The following HS6ST3 variants were observed in gnomAD, a reference collection of about 807,000 sequenced individuals.
The protein encoded by HS6ST3 is heparan-sulfate 6-O-sulfotransferase 3.
Under a neutral mutation model 36.7 loss-of-function variants are expected in HS6ST3, and 12 were observed. The ratio of observed to expected loss-of-function variants is 0.33; its 90% CI spans 0.21 to 0.53. The LOEUF is 0.53. Among genes scored for constraint, HS6ST3 ranks in the 20% least tolerant of loss-of-function variants. The probability of loss-of-function intolerance (pLI) is 0.95; values close to 1 mark genes in which losing one functional copy is unlikely to be tolerated. For missense variants in HS6ST3, 584 were observed against 640.9 expected, an observed-to-expected ratio of 0.91 and a Z score of 0.96; for synonymous variants, 240 against 257.5, an observed-to-expected ratio of 0.93 and a Z score of 0.65.
chr13:96,179,043 C>A (rs2054226272), intron 1 of HS6ST3, among the ~76,000 whole-genome samples: 1 of 152,122 alleles, frequency 6.6e-6, no homozygotes, highest in African/African-American at 2.4e-5. Flanking sequence ...AATCGGGAAC[C>A]AGGTTGGAAC....
chr13:96,520,001 C>A (rs550995719), intron 1 of HS6ST3, among the ~76,000 whole-genome samples: 2 of 152,206 alleles, frequency 1.3e-5, no homozygotes, highest in South Asian at 4.1e-4. Flanking sequence ...TTTAGTAATT[C>A]TATTGGTTAC....
At chr13:96,653,496 G>T (rs1305645305) in intron 1 of HS6ST3, among the ~76,000 whole-genome samples, 1 of 152,096 alleles carries the variant, frequency 6.6e-6, no homozygotes, top group Non-Finnish European at 1.5e-5. Context: ...TGCTGAGAAT[G>T]ATGGTTTCCA....
intron 1 of HS6ST3, among the ~76,000 whole-genome samples, chr13:96,596,256 G>T (rs1408983401): frequency 6.6e-6 from 1 of 152,098 alleles, no homozygotes; most frequent in Non-Finnish European, 1.5e-5. Context: ...CTCCATCCAA[G>T]TTGCTGTGAA....
At chr13:96,414,399 A>C (rs2055522802) in intron 1 of HS6ST3, among the ~76,000 whole-genome samples, 1 of 152,224 alleles carries the variant, frequency 6.6e-6, no homozygotes, top group African/African-American at 2.4e-5. Flanking sequence ...TATGAGGTCC[A>C]AAGAGGTACA....
rs1555323691 is a variant in HS6ST3 at position 96,769,773 on chromosome 13, T to TGTGTGC, written c.708-62716_708-62715insTGTGCG. Among the ~76,000 whole-genome samples, 259 of 142,276 alleles carry TGTGTGC rather than the reference T, an allele frequency of 1.8e-3. 3 individuals are homozygous for TGTGTGC. Among genetic ancestry groups the TGTGTGC allele is most frequent in the African/African-American group, 5.5e-3 (215 of 38,778 alleles). 93.3% of individuals were successfully genotyped at this position (142,276 alleles called of 152,430 possible). A position where few individuals can be genotyped will look rare whatever the true frequency, so the allele number is the denominator to read the frequency against. On this transcript the variant is annotated intron_variant, in intron 1 of 1. Transcript: ENST00000376705. ...GTGTGTGTGTGTGTGTGTGTGTGTG[T>TGTGTGC]GCGCACATATGTATTCTAGTTTTGC...
intron 1 of HS6ST3, among the ~76,000 whole-genome samples, chr13:96,095,435 G>C (rs1236742225): frequency 6.6e-6 from 1 of 152,162 alleles, no homozygotes; most frequent in African/African-American, 2.4e-5. Flanking sequence ...AGAATAGTTT[G>C]AACCCTGTGG....
intron 1 of HS6ST3, among the ~76,000 whole-genome samples, chr13:96,749,523 C>G (rs1876647283): frequency 6.6e-6 from 1 of 152,018 alleles, no homozygotes; most frequent in African/African-American, 2.4e-5. Flanking sequence ...GAGTGTTCAC[C>G]TAGCCCAACT....
At chr13:96,745,376 G>C (rs1462400811) in intron 1 of HS6ST3, among the ~76,000 whole-genome samples, 1 of 152,056 alleles carries the variant, frequency 6.6e-6, no homozygotes, top group African/African-American at 2.4e-5. Flanking sequence ...AGTGACAAAA[G>C]GTGTTAGGAT....
chr13:96,375,051 C>T (rs907265424), intron 1 of HS6ST3, among the ~76,000 whole-genome samples: 15 of 152,044 alleles, frequency 9.9e-5, no homozygotes, highest in African/African-American at 3.1e-4. Flanking sequence ...GTGCTGTAGC[C>T]ATCTTGCTTC....
chr13:96,675,175 A>G (rs1428776291), intron 1 of HS6ST3, among the ~76,000 whole-genome samples: 1 of 151,496 alleles, frequency 6.6e-6, no homozygotes, highest in Non-Finnish European at 1.5e-5. Context: ...AAATACACCC[A>G]CTCTCCCAGT....
intron 1 of HS6ST3, among the ~76,000 whole-genome samples, chr13:96,371,208 A>C (rs2055288388): frequency 6.6e-6 from 1 of 152,002 alleles, no homozygotes; most frequent in Non-Finnish European, 1.5e-5. Flanking sequence ...GACATTATCA[A>C]CCTTTAACAT....
intron 1 of HS6ST3, among the ~76,000 whole-genome samples, chr13:96,705,550 C>T (rs981718269): frequency 5.9e-5 from 9 of 152,194 alleles, no homozygotes; most frequent in Non-Finnish European, 8.8e-5. Flanking sequence ...CAGTGTCCCT[C>T]TTCCTCCCTT....
chr13:96,147,474 T>C (rs1028826302), intron 1 of HS6ST3, among the ~76,000 whole-genome samples: 6 of 152,230 alleles, frequency 3.9e-5, no homozygotes, highest in African/African-American at 1.2e-4. Flanking sequence ...TATAACATTG[T>C]TGAGAAAAAA....
At chr13:96,328,494 C>T (rs1380639635) in intron 1 of HS6ST3, among the ~76,000 whole-genome samples, 2 of 151,936 alleles carry the variant, frequency 1.3e-5, no homozygotes, top group South Asian at 2.1e-4. Flanking sequence ...TATTGATTTG[C>T]GTATGTTGAA....
intron 1 of HS6ST3, among the ~76,000 whole-genome samples, chr13:96,594,582 C>T (rs2056394896): frequency 6.6e-6 from 1 of 152,170 alleles, no homozygotes; most frequent in South Asian, 2.1e-4. Context: ...CTGACACACA[C>T]ACGTGTACAC....
intron 1 of HS6ST3, among the ~76,000 whole-genome samples, chr13:96,504,615 A>G (rs1267206435): frequency 6.6e-6 from 1 of 152,158 alleles, no homozygotes; most frequent in African/African-American, 2.4e-5. Context: ...TATGGTACAG[A>G]ATGATGGGGT....
At chr13:96,715,649 CT>C (rs1042986923) in intron 1 of HS6ST3, among the ~76,000 whole-genome samples, 4 of 152,088 alleles carry the variant, frequency 2.6e-5, no homozygotes, top group East Asian at 1.9e-4. Flanking sequence ...AGTTTCTCCC[CT>C]ATCTCTAGTT....
intron 1 of HS6ST3, among the ~76,000 whole-genome samples, chr13:96,773,924 A>G (rs1442329173): frequency 6.6e-6 from 1 of 152,170 alleles, no homozygotes; most frequent in Admixed American, 6.5e-5. Context: ...CTCATACAGG[A>G]TAGCTCTGGC....
rs75334452 is a variant in HS6ST3, at chr13:96,355,939, C to A, written c.707+264370C>A. ...TATTCTAAATAACTCATTGTCATTA[C>A]AACAATGTTCAGCATCTTCACCATG... On this transcript the variant is annotated intron_variant, in intron 1 of 1. Coordinates refer to ENST00000376705, the MANE Select transcript of HS6ST3 (RefSeq NM_153456.4). Among the ~76,000 whole-genome samples the A allele has an allele frequency of 8.4e-3, 1,286 of 152,244 alleles. 23 individuals are homozygous for A. The highest frequency in any genetic ancestry group is 0.03 in the African/African-American group (1,230 of 41,534).
Sources: allele counts gnomAD v4.1 joint callset (sites outside exome capture counted in the v4.1 genomes callset), GRCh38; gene constraint gnomAD v4.1.1; transcripts MANE v1.5; gene names NCBI Gene and HGNC (gene_info 2026-07-23, HGNC 2026-07-21).